CTNNA3: variants seen among roughly 807,000 people sequenced by gnomAD.
CTNNA3 encodes the protein catenin alpha 3.
Under a neutral mutation model 95.7 loss-of-function variants are expected in CTNNA3, and 76 were observed. The ratio of observed to expected loss-of-function variants is 0.79; its 90% CI spans 0.66 to 0.96. The LOEUF (loss-of-function observed/expected upper bound fraction) is 0.96. Ranked by LOEUF, CTNNA3 falls within the 40% of genes least tolerant of loss-of-function variation. The pLI is 0.00. For synonymous variants in CTNNA3, 431 were observed against 374.4 expected (o/e 1.15, Z -1.74); for missense variants, 1,191 against 1,089.8 (o/e 1.09, Z -1.31).
chr10:66,603,251 C>A (rs931260144), intron 10 of CTNNA3, among the ~76,000 whole-genome samples: 1 of 152,140 alleles, frequency 6.6e-6, no homozygotes, highest in Non-Finnish European at 1.5e-5. Flanking sequence ...CTTCAGGATA[C>A]AAAACCAAGA....
At chr10:66,364,955 A>C (rs886300173) in intron 12 of CTNNA3, among the ~76,000 whole-genome samples, 2 of 152,144 alleles carry the variant, frequency 1.3e-5, no homozygotes, top group African/African-American at 4.8e-5. Context: ...TACTATCAAT[A>C]ATCAACTCTA....
chr10:67,403,097 G>C (rs1199656394), intron 5 of CTNNA3, among the ~76,000 whole-genome samples: 1 of 152,198 alleles, frequency 6.6e-6, no homozygotes, highest in African/African-American at 2.4e-5. Context: ...CAACTCAGCT[G>C]TTCAAGTCTG....
intron 13 of CTNNA3, among the ~76,000 whole-genome samples, chr10:66,164,662 TTTAA>T (rs1181534260): frequency 5.9e-5 from 9 of 152,214 alleles, no homozygotes; most frequent in African/African-American, 2.2e-4. Flanking sequence ...GTAAATGTTA[TTTAA>T]TTATAGAACA....
chr10:66,257,481 A>G (rs998927789), intron 13 of CTNNA3, among the ~76,000 whole-genome samples: 1 of 152,226 alleles, frequency 6.6e-6, no homozygotes, highest in Non-Finnish European at 1.5e-5. Context: ...CTAATTTACA[A>G]CGAAGCCCTC....
intron 13 of CTNNA3, among the ~76,000 whole-genome samples, chr10:66,190,392 T>C (rs114505874): frequency 8.7e-4 from 133 of 152,258 alleles, no homozygotes; most frequent in African/African-American, 3.0e-3. Flanking sequence ...AAAGTGTGTG[T>C]CTGTTGGAAG....
chr10:65,915,579 T>C lies in CTNNA3; in HGVS notation c.*4751A>G, dbSNP rs948618549. On this transcript the variant is annotated 3_prime_UTR_variant, in exon 18 of 18. Coordinates refer to ENST00000433211, the MANE Select transcript of CTNNA3 (RefSeq NM_013266.4). ...GTTCCCACAAACCAGTGGGGACTGC[T>C]AGATGCCATAATGCAGCCAGCAGCC... 1 of 152,184 alleles carries C rather than the reference T, an allele frequency of 6.6e-6. No homozygotes were observed. The highest frequency in any genetic ancestry group is 1.5e-5 in the Non-Finnish European group (1 of 68,026). 9.4% of individuals were successfully genotyped at this position (152,184 alleles called of 1,614,324 possible).
At chr10:66,752,864 A>G (rs1839206076) in intron 9 of CTNNA3, among the ~76,000 whole-genome samples, 1 of 152,098 alleles carries the variant, frequency 6.6e-6, no homozygotes, top group South Asian at 2.1e-4. Context: ...ACGCACACAC[A>G]CACACACTGT....
chr10:67,304,202 C>A (rs552706146), intron 5 of CTNNA3, among the ~76,000 whole-genome samples: 1 of 152,320 alleles, frequency 6.6e-6, no homozygotes, highest in African/African-American at 2.4e-5. Flanking sequence ...CTATCTCCAT[C>A]TATTTCTATT....
At chr10:66,804,725 G>A (rs932343130) in intron 7 of CTNNA3, among the ~76,000 whole-genome samples, 6 of 151,978 alleles carry the variant, frequency 3.9e-5, no homozygotes, top group African/African-American at 1.4e-4. Flanking sequence ...TTGCATTGTA[G>A]TTGTCATTAA....
chr10:67,734,484 G>A (rs963333412), intron 1 of CTNNA3, among the ~76,000 whole-genome samples: 1 of 152,036 alleles, frequency 6.6e-6, no homozygotes, highest in Non-Finnish European at 1.5e-5. Context: ...TCTAGCAGAG[G>A]AGAATAACAT....
chr10:65,920,118 A>T lies in CTNNA3; in HGVS notation c.*212T>A. ...AATTTCATTCATTCAACAAGCAAAT[A>T]TTCCTTAACTATTAGGTGCTGACCA... On this transcript the variant is annotated 3_prime_UTR_variant, in exon 18 of 18. Transcript: ENST00000433211. 3.6e-6 allele frequency: 2 copies of T among 561,156 alleles called. No individual in the cohort carries two copies. The highest frequency in any genetic ancestry group is 6.3e-6 in the Non-Finnish European group (2 of 316,874). The allele number at this position is 561,156 out of a possible 1,614,324, so 34.8% of individuals were successfully genotyped here.
intron 5 of CTNNA3, among the ~76,000 whole-genome samples, chr10:67,264,665 C>CT (rs1234716850): frequency 2.6e-5 from 4 of 152,156 alleles, no homozygotes; most frequent in Non-Finnish European, 4.4e-5. Flanking sequence ...CTAGCTTCAT[C>CT]TTTTATGTGT....
chr10:67,330,025 G>A (rs962882385), intron 5 of CTNNA3, among the ~76,000 whole-genome samples: 5 of 152,170 alleles, frequency 3.3e-5, no homozygotes, highest in African/African-American at 1.2e-4. Context: ...AAAGTGTGCA[G>A]GTAGACTAAC....
intron 5 of CTNNA3, among the ~76,000 whole-genome samples, chr10:67,512,524 G>A (rs2394411): frequency 0.4 from 60,296 of 151,894 alleles, 15,292 homozygotes; most frequent in African/African-American, 0.69. Context: ...TAGACGACAC[G>A]GGATTCTAGA....
At chr10:66,549,355 T>G (rs1460712590) in intron 10 of CTNNA3, among the ~76,000 whole-genome samples, 2 of 152,144 alleles carry the variant, frequency 1.3e-5, no homozygotes, top group Non-Finnish European at 2.9e-5. Flanking sequence ...ACTATGAGAT[T>G]TTTTGTAATA....
intron 13 of CTNNA3, among the ~76,000 whole-genome samples, chr10:66,134,794 C>G (rs34900247): frequency 0.062 from 9,404 of 151,428 alleles, 377 homozygotes; most frequent in Non-Finnish European, 0.096. Flanking sequence ...ATTTTTAAGA[C>G]AGCAAACCAT....
At chr10:66,503,120 T>C (rs1840335298) in intron 11 of CTNNA3, among the ~76,000 whole-genome samples, 1 of 152,172 alleles carries the variant, frequency 6.6e-6, no homozygotes, top group South Asian at 2.1e-4. Context: ...CCAATAATGT[T>C]AGTAATAACA....
At chr10:66,327,315 G>C (rs1387520263) in intron 12 of CTNNA3, among the ~76,000 whole-genome samples, 1 of 152,058 alleles carries the variant, frequency 6.6e-6, no homozygotes, top group African/African-American at 2.4e-5. Context: ...AGGAACTGAT[G>C]TTCTTCACAG....
chr10:67,697,508 G>C (rs1840989453), upstream of CTNNA3, among the ~76,000 whole-genome samples: 1 of 152,092 alleles, frequency 6.6e-6, no homozygotes, highest in Admixed American at 6.6e-5. Context: ...ACCACAATAA[G>C]TTACTTACCT....
Sources: gnomAD v4.1 joint callset for allele counts (sites outside exome capture counted in the v4.1 genomes callset) on GRCh38, gnomAD v4.1.1 for gene constraint, MANE v1.5 for transcripts, NCBI Gene and HGNC (gene_info 2026-07-23, HGNC 2026-07-21) for gene names.